MED12L: variants seen among roughly 807,000 people sequenced by gnomAD.
MED12L encodes mediator complex subunit 12L, also known as mediator of RNA polymerase II transcription subunit 12-like protein.
Under a neutral mutation model 281.3 loss-of-function variants are expected in MED12L, and 60 were observed. The observed-to-expected ratio is 0.21, with a 90% CI of 0.17 to 0.26. The LOEUF (loss-of-function observed/expected upper bound fraction) is 0.26. MED12L is among the 10% of genes least tolerant of loss of function. The pLI is 1.00. For missense variants in MED12L, 2,146 were observed against 2,680.9 expected (o/e 0.80, Z 4.41); for synonymous variants, 974 against 987.2 (o/e 0.99, Z 0.25).
chr3:151,134,863 T>G (rs577639068), intron 5 of MED12L, among the ~76,000 whole-genome samples: 50 of 152,194 alleles, frequency 3.3e-4, no homozygotes, highest in Non-Finnish European at 5.0e-4. Context: ...AGTGGGGAGG[T>G]GCTGAAAGCC....
intron 11 of MED12L, among the ~76,000 whole-genome samples, chr3:151,174,997 G>T (rs1238743449): frequency 6.6e-6 from 1 of 152,198 alleles, no homozygotes; most frequent in Non-Finnish European, 1.5e-5. Flanking sequence ...GCTTGGAAAT[G>T]TTTATATGTA....
At chr3:151,304,223 GAGAT>G (rs964692215) in intron 16 of MED12L, among the ~76,000 whole-genome samples, 5 of 152,138 alleles carry the variant, frequency 3.3e-5, no homozygotes, top group Admixed American at 2.0e-4. Flanking sequence ...GTGGGAGGTG[GAGAT>G]AGATAAAGGA....
At chr3:151,238,582 T>A (rs1482075213) in intron 16 of MED12L, among the ~76,000 whole-genome samples, 3 of 152,244 alleles carry the variant, frequency 2.0e-5, no homozygotes, top group Non-Finnish European at 4.4e-5. Context: ...AAATTTGCAC[T>A]GATGGTGCAA....
chr3:151,274,517 A>G (rs1035205983), intron 16 of MED12L, among the ~76,000 whole-genome samples: 1 of 152,244 alleles, frequency 6.6e-6, no homozygotes, highest in African/African-American at 2.4e-5. Context: ...AAGAACATTC[A>G]ACACTAAAGG....
At chr3:151,386,298 C>T (rs1713333498) in intron 36 of MED12L, among the ~76,000 whole-genome samples, 1 of 152,200 alleles carries the variant, frequency 6.6e-6, no homozygotes, top group African/African-American at 2.4e-5. Flanking sequence ...GTGGTTTTTA[C>T]ACCAAGGAAA....
intron 2 of MED12L, among the ~76,000 whole-genome samples, chr3:151,108,870 G>C (rs1258163334): frequency 1.3e-5 from 2 of 152,070 alleles, no homozygotes; most frequent in Admixed American, 6.5e-5. Context: ...TTTTTTTCTT[G>C]AGTGCAAAAG....
Position 151,119,442 on chromosome 3 carries a change from G to GTC in MED12L, c.204+3002_204+3003dup, listed in dbSNP as rs756973128. Reference sequence around the variant, plus strand: ...TTGCAGATGACCACCTTCTCACTGTGTCTTCACATGGTCTTTTCTCCTTGT... The same window carrying GTC: ...TTGCAGATGACCACCTTCTCACTGTGTCTCTTCACATGGTCTTTTCTCCTTGT... On this transcript the variant is annotated intron_variant, in intron 3 of 44. Transcript: ENST00000687756. Among the ~76,000 whole-genome samples, 8 of 152,128 alleles carry GTC rather than the reference G, an allele frequency of 5.3e-5. 1 individual carries two copies. The highest frequency in any genetic ancestry group is 1.0e-4 in the Non-Finnish European group (7 of 68,034).
At chr3:151,246,822 A>G (rs1406587003) in intron 16 of MED12L, among the ~76,000 whole-genome samples, 2 of 152,224 alleles carry the variant, frequency 1.3e-5, no homozygotes, top group Non-Finnish European at 2.9e-5. Context: ...CTACCATCAG[A>G]GTGAACAGGC....
chr3:151,201,852 T>A (rs1423805379), intron 16 of MED12L, among the ~76,000 whole-genome samples: 1 of 152,254 alleles, frequency 6.6e-6, no homozygotes, highest in African/African-American at 2.4e-5. Flanking sequence ...GATTTTGGCT[T>A]ACGCACTTCT....
intron 31 of MED12L, 92 bp downstream of exon 31, chr3:151,378,265 A>T: frequency 1.6e-6 from 2 of 1,259,186 alleles, no homozygotes; most frequent in African/African-American, 1.5e-5. Context: ...CTGTACCCAC[A>T]GTCCACTGAA....
At chr3:151,365,800 AT>A (rs1292724663) in intron 22 of MED12L, 49 bp from the exon 23 acceptor site, 1 of 1,488,334 alleles carries the variant, frequency 6.7e-7, no homozygotes, top group South Asian at 1.4e-5. Flanking sequence ...ACAGGTGAGT[AT>A]TTCTCTTTTG....
chr3:151,192,356 C>T (rs2149103056), intron 14 of MED12L, among the ~76,000 whole-genome samples, 194 bp from the exon 15 acceptor site: 1 of 152,266 alleles, frequency 6.6e-6, no homozygotes, highest in Non-Finnish European at 1.5e-5. Context: ...GTTAAATTTT[C>T]TCATGATGAG....
chr3:151,129,168 C>T (rs1050921682), intron 5 of MED12L, among the ~76,000 whole-genome samples: 3 of 152,280 alleles, frequency 2.0e-5, no homozygotes, highest in South Asian at 2.1e-4. Context: ...AAAGTACAGA[C>T]GTCTTCAGAT....
At position 151,091,671 on chromosome 3, in the gene MED12L, G is replaced by A. The variant is rs567020278; in HGVS notation, c.99+4646G>A. ...AGTTCAGATCTAAGGGAATGGACCA[G>A]GAAGTCTCAGTCCCCCTCCAGTGGC... On this transcript the variant is annotated intron_variant, in intron 2 of 44. Coordinates refer to ENST00000687756, the MANE Select transcript of MED12L (RefSeq NM_001393769.1). Among the ~76,000 whole-genome samples the A allele has an allele frequency of 6.8e-4, 103 of 152,342 alleles. 1 individual carries two copies. In the South Asian group the frequency reaches 0.015, roughly 21 times the overall value.
At chr3:151,129,869 A>G (rs936923442) in intron 5 of MED12L, among the ~76,000 whole-genome samples, 5 of 152,200 alleles carry the variant, frequency 3.3e-5, no homozygotes, top group African/African-American at 1.2e-4. Context: ...CCTGGGCTGA[A>G]GTGATCTTCC....
intron 16 of MED12L, among the ~76,000 whole-genome samples, chr3:151,286,618 G>A (rs887315325): frequency 6.6e-6 from 1 of 152,162 alleles, no homozygotes; most frequent in Non-Finnish European, 1.5e-5. Context: ...TTGATGAAAT[G>A]GCTGGATTCA....
intron 22 of MED12L, among the ~76,000 whole-genome samples, chr3:151,365,573 A>G (rs1755172392): frequency 1.3e-5 from 2 of 152,348 alleles, no homozygotes; most frequent in East Asian, 1.9e-4. Context: ...AAAAATGTAA[A>G]TCGTAGCTCA....
At chr3:151,181,283 G>A (rs1218424349) in intron 11 of MED12L, among the ~76,000 whole-genome samples, 1 of 151,928 alleles carries the variant, frequency 6.6e-6, no homozygotes, top group Non-Finnish European at 1.5e-5. Flanking sequence ...ACATTGGTGG[G>A]TATTTTATCT....
At chr3:151,283,520 C>T (rs555553159) in intron 16 of MED12L, among the ~76,000 whole-genome samples, 2 of 152,334 alleles carry the variant, frequency 1.3e-5, no homozygotes, top group African/African-American at 4.8e-5. Flanking sequence ...CTGTTGTTCC[C>T]ATTTGCTTGC....
Sources: allele counts gnomAD v4.1 joint callset (sites outside exome capture counted in the v4.1 genomes callset), GRCh38; gene constraint gnomAD v4.1.1; transcripts MANE v1.5; gene names NCBI Gene and HGNC (gene_info 2026-07-23, HGNC 2026-07-21).